Variants in TRPC7 observed in about 807,000 individuals in gnomAD.
TRPC7 encodes transient receptor potential cation channel subfamily C member 7, also known as short transient receptor potential channel 7.
TRPC7 carries 42 observed loss-of-function variants against 90.1 expected under a neutral mutation model. The ratio of observed to expected loss-of-function variants is 0.47; its 90% confidence interval spans 0.36 to 0.60. The LOEUF is 0.60. Ranked by LOEUF, TRPC7 falls within the 20% of genes least tolerant of loss-of-function variation. The pLI, the probability that TRPC7 is intolerant of heterozygous loss-of-function variation, is 0.00. For missense variants in TRPC7, 955 were observed against 1,112.3 expected (o/e 0.86, Z 2.01); for synonymous variants, 451 against 436.3 (o/e 1.03, Z -0.42).
intron 3 of TRPC7, among the ~76,000 whole-genome samples, chr5:136,283,431 A>G (rs1442931124): frequency 6.6e-6 from 1 of 152,230 alleles, no homozygotes; most frequent in Admixed American, 6.5e-5. Context: ...TGAAACCCAG[A>G]GTGAAGTAAT....
intron 3 of TRPC7, among the ~76,000 whole-genome samples, chr5:136,276,817 T>C (rs1757379659): frequency 6.6e-6 from 1 of 152,206 alleles, no homozygotes; most frequent in African/African-American, 2.4e-5. Flanking sequence ...TGGAAAGTCA[T>C]GCAGACATTT....
chr5:136,272,877 A>T (rs968831019), intron 4 of TRPC7, among the ~76,000 whole-genome samples: 1 of 152,132 alleles, frequency 6.6e-6, no homozygotes, highest in African/African-American at 2.4e-5. Context: ...AATTCTAGAA[A>T]TCCCTCTCTG....
chr5:136,346,250 A>T (rs887327056), intron 2 of TRPC7, among the ~76,000 whole-genome samples: 3 of 152,154 alleles, frequency 2.0e-5, no homozygotes, highest in African/African-American at 7.2e-5. Flanking sequence ...TATAAATAAA[A>T]AATTAAAAAA....
chr5:136,350,123 GA>G (rs1417190316), intron 2 of TRPC7, among the ~76,000 whole-genome samples: 1 of 152,190 alleles, frequency 6.6e-6, no homozygotes, highest in Non-Finnish European at 1.5e-5. Context: ...ACACAGTGAT[GA>G]AATTGCTTAA....
intron 2 of TRPC7, among the ~76,000 whole-genome samples, chr5:136,345,202 T>C (rs926139443): frequency 2.0e-5 from 3 of 152,214 alleles, no homozygotes; most frequent in African/African-American, 7.2e-5. Flanking sequence ...AACTGAGTTA[T>C]AGTATTAATT....
At chr5:136,264,701 T>C (rs974673617) in intron 5 of TRPC7, among the ~76,000 whole-genome samples, 2 of 151,956 alleles carry the variant, frequency 1.3e-5, no homozygotes, top group African/African-American at 4.8e-5. Flanking sequence ...CAAGCGATAC[T>C]CCTGCCTTAG....
chr5:136,266,211 CT>C lies in TRPC7; in HGVS notation c.1345+8del. 1 of 1,609,388 alleles carries C rather than the reference CT, an allele frequency of 6.2e-7. No homozygotes were observed. The highest frequency in any genetic ancestry group is 1.1e-5 in the South Asian group (1 of 90,968). ...CAAGGAGAGAATAAAAATAGAGTGACTTGCTTACCTAAGACCCACTTCATAA... is the reference window on the plus strand; with the variant it reads ...CAAGGAGAGAATAAAAATAGAGTGACTGCTTACCTAAGACCCACTTCATAA... On this transcript the variant is annotated splice_region_variant and intron_variant, in intron 5 of 11. Transcript: ENST00000513104.
At chr5:136,296,930 C>T (rs1201309343) in intron 3 of TRPC7, among the ~76,000 whole-genome samples, 1 of 152,182 alleles carries the variant, frequency 6.6e-6, no homozygotes, top group Admixed American at 6.5e-5. Context: ...GAGTCCTGCC[C>T]CTGCCTGGGG....
At chr5:136,257,695 T>A (rs1195389892) in intron 5 of TRPC7, among the ~76,000 whole-genome samples, 2 of 151,346 alleles carry the variant, frequency 1.3e-5, no homozygotes, top group African/African-American at 2.4e-5. Flanking sequence ...GTATACCGTA[T>A]CAAAATTTTT....
At chr5:136,290,144 G>A (rs1165632049) in intron 3 of TRPC7, among the ~76,000 whole-genome samples, 3 of 152,098 alleles carry the variant, frequency 2.0e-5, no homozygotes, top group Admixed American at 6.5e-5. Flanking sequence ...CCACCTGTAC[G>A]TCACCATCAT....
Position 136,226,259 on chromosome 5 carries a change from T to C in TRPC7, c.2041-4A>G, listed in dbSNP as rs1277738817. ...TCCATTCCACATCTGCATCCTCCTG[T>C]GGAACAAGGGAAACAACAACACACC... On this transcript the variant is annotated splice_region_variant and splice_polypyrimidine_tract_variant and intron_variant, in intron 8 of 11. Coordinates refer to ENST00000513104, the MANE Select transcript of TRPC7 (RefSeq NM_020389.3). 3.2e-6 allele frequency: 5 copies of C among 1,550,542 alleles called. No homozygotes were observed. The highest frequency in any genetic ancestry group is 4.4e-6 in the Non-Finnish European group (5 of 1,146,128).
intron 8 of TRPC7, among the ~76,000 whole-genome samples, chr5:136,228,474 T>A (rs986347930): frequency 6.7e-6 from 1 of 149,396 alleles, no homozygotes; most frequent in African/African-American, 2.5e-5. Context: ...CTTATTTAAA[T>A]GCTGACAGGA....
At chr5:136,351,229 T>C (rs1760184261) in intron 2 of TRPC7, among the ~76,000 whole-genome samples, 1 of 152,190 alleles carries the variant, frequency 6.6e-6, no homozygotes, top group Non-Finnish European at 1.5e-5. Context: ...AGCTCATGCT[T>C]TGAGGACTTT....
chr5:136,275,065 T>G lies in TRPC7; in HGVS notation c.964-228A>C, dbSNP rs374571984. ...AGAGTCCTTGCAAGACTGGCTGAAT[T>G]CACACTTTGCAAACTGGGCCTAGAA... On this transcript the variant is annotated intron_variant, in intron 3 of 11. Coordinates refer to ENST00000513104, the MANE Select transcript of TRPC7 (RefSeq NM_020389.3). 8.5e-5 allele frequency among the ~76,000 whole-genome samples: 13 copies of G among 152,218 alleles called. No individual in the cohort carries two copies. The South Asian group carries it at 2.7e-3, about 32-fold the overall frequency.
chr5:136,287,135 AT>A (rs1313256810), intron 3 of TRPC7, among the ~76,000 whole-genome samples: 3 of 152,140 alleles, frequency 2.0e-5, no homozygotes, highest in African/African-American at 7.2e-5. Context: ...GGGTGTCTGA[AT>A]AACCTTCCTG....
rs115280437 is a variant in TRPC7 at position 136,241,686 on chromosome 5, T to C, written c.1844+5785A>G. On this transcript the variant is annotated intron_variant, in intron 7 of 11. Coordinates refer to ENST00000513104, the MANE Select transcript of TRPC7 (RefSeq NM_020389.3). ...TTCTCCTGCCTCAATCTTCCAAGTA[T>C]CTGGGAAAACAGGTGCGAGCCACCA... 1.9e-3 allele frequency among the ~76,000 whole-genome samples: 286 copies of C among 152,174 alleles called. 1 individual carries two copies. Among genetic ancestry groups the C allele is most frequent in the Non-Finnish European group, 3.0e-3 (201 of 67,978 alleles).
At chr5:136,311,399 G>A (rs1202720021) in intron 3 of TRPC7, among the ~76,000 whole-genome samples, 1 of 152,196 alleles carries the variant, frequency 6.6e-6, no homozygotes, top group African/African-American at 2.4e-5. Flanking sequence ...CTGTCACTAA[G>A]CACTGACCAC....
At chr5:136,257,476 C>T (rs556575544) in intron 5 of TRPC7, among the ~76,000 whole-genome samples, 16 of 152,214 alleles carry the variant, frequency 1.1e-4, no homozygotes, top group South Asian at 2.1e-4. Flanking sequence ...CCACCACTTC[C>T]GGCCTGAAAT....
intron 2 of TRPC7, among the ~76,000 whole-genome samples, chr5:136,317,550 C>A (rs1238352785): frequency 6.6e-6 from 1 of 152,148 alleles, no homozygotes; most frequent in Non-Finnish European, 1.5e-5. Flanking sequence ...GCAACATGGA[C>A]AAGGTGAATC....
Sources: allele counts gnomAD v4.1 joint callset (sites outside exome capture counted in the v4.1 genomes callset), GRCh38; gene constraint gnomAD v4.1.1; transcripts MANE v1.5; gene names NCBI Gene and HGNC (gene_info 2026-07-23, HGNC 2026-07-21).